SMARCC1: variants seen among roughly 807,000 people sequenced by gnomAD.
SMARCC1 encodes the protein SWI/SNF related BAF chromatin remodeling complex subunit C1, also known as SWI/SNF complex subunit SMARCC1.
A neutral mutation model predicts 147.4 loss-of-function variants in SMARCC1; 43 were observed. The observed-to-expected ratio is 0.29, with a 90% CI of 0.23 to 0.38. The LOEUF is 0.38. Ranked by LOEUF, SMARCC1 falls within the 10% of genes least tolerant of loss-of-function variation. The pLI is 1.00. For synonymous variants in SMARCC1, 495 were observed against 484.4 expected, an observed-to-expected ratio of 1.02 and a Z score of -0.29; for missense variants, 1,119 against 1,381.1, an observed-to-expected ratio of 0.81 and a Z score of 3.01.
At chr3:47,632,750 T>A (rs533945207) in intron 24 of SMARCC1, among the ~76,000 whole-genome samples, 99 of 152,252 alleles carry the variant, frequency 6.5e-4, no homozygotes, top group Non-Finnish European at 1.2e-3. Flanking sequence ...TCAATTCTGT[T>A]TGGCAGAACT....
rs571494850 is a variant in SMARCC1, at chr3:47,714,842, C to T, written c.717-352G>A. On this transcript the variant is annotated intron_variant, in intron 7 of 27. Transcript: ENST00000254480. Reference sequence around the variant, plus strand: ...AAACTAAAAGAAATACTACTAAAATCTATTAATAGAAACTTATCAGACACT... The same window carrying T: ...AAACTAAAAGAAATACTACTAAAATTTATTAATAGAAACTTATCAGACACT... Among the ~76,000 whole-genome samples the T allele has an allele frequency of 2.0e-5, 3 of 152,200 alleles. No individual in the cohort carries two copies. The South Asian group carries it at 6.2e-4, about 32-fold the overall frequency.
intron 2 of SMARCC1, among the ~76,000 whole-genome samples, chr3:47,764,284 C>CT (rs2034809535): frequency 6.6e-6 from 1 of 152,150 alleles, no homozygotes; most frequent in African/African-American, 2.4e-5. Context: ...GACCCTCCTA[C>CT]TTCAGTCTCC....
rs555212777 is a variant in SMARCC1 at position 47,609,808 on chromosome 3, C to G, written c.3043+258G>C. On this transcript the variant is annotated intron_variant, in intron 26 of 27. Transcript: ENST00000254480. ...CGGTATCAATAATCCAAGATAAATT[C>G]TGAATGAACTCTGAGATATTACTGT... Among the ~76,000 whole-genome samples the G allele has an allele frequency of 2.6e-5, 4 of 152,242 alleles. No individual in the cohort carries two copies. In the South Asian group the frequency reaches 8.3e-4, roughly 32 times the overall value.
At chr3:47,771,437 A>G (rs1331109699) in intron 2 of SMARCC1, among the ~76,000 whole-genome samples, 1 of 152,192 alleles carries the variant, frequency 6.6e-6, no homozygotes, top group African/African-American at 2.4e-5. Context: ...GAGTTCGAAA[A>G]TATAAATAAA....
chr3:47,643,198 A>C (rs975905263), intron 21 of SMARCC1, among the ~76,000 whole-genome samples: 1 of 152,232 alleles, frequency 6.6e-6, no homozygotes, highest in African/African-American at 2.4e-5. Context: ...ATTCATCTGA[A>C]GAAAAAGTGA....
chr3:47,688,329 A>G (rs1170256290), intron 13 of SMARCC1, among the ~76,000 whole-genome samples: 2 of 151,722 alleles, frequency 1.3e-5, no homozygotes, highest in African/African-American at 4.8e-5. Context: ...TTTAATCATA[A>G]GAACAATACA....
At chr3:47,734,990 C>T (rs1022033419) in intron 5 of SMARCC1, among the ~76,000 whole-genome samples, 46 of 152,174 alleles carry the variant, frequency 3.0e-4, no homozygotes, top group Non-Finnish European at 5.0e-4. Context: ...CTCTTGACCT[C>T]GTGATCCGCC....
At chr3:47,680,324 A>C in intron 15 of SMARCC1, 113 bp downstream of exon 15, 1 of 751,488 alleles carries the variant, frequency 1.3e-6, no homozygotes, top group Non-Finnish European at 2.4e-6. Context: ...CACTGTTCTG[A>C]AAGGAGTATT....
intron 12 of SMARCC1, among the ~76,000 whole-genome samples, chr3:47,691,854 G>A (rs2033793652): frequency 6.6e-6 from 1 of 151,944 alleles, no homozygotes; most frequent in African/African-American, 2.4e-5. Flanking sequence ...ACAAAAATTA[G>A]CTGGGCGTGG....
At chr3:47,726,743 G>C (rs536519121) in intron 6 of SMARCC1, among the ~76,000 whole-genome samples, 77 of 152,220 alleles carry the variant, frequency 5.1e-4, no homozygotes, top group African/African-American at 1.6e-3. Context: ...CACAAATTCT[G>C]TATGATTTCA....
intron 2 of SMARCC1, among the ~76,000 whole-genome samples, chr3:47,747,914 T>G (rs1308896266): frequency 1.3e-5 from 2 of 152,100 alleles, no homozygotes; most frequent in African/African-American, 4.8e-5. Flanking sequence ...TCCCAGCACT[T>G]TGGAAGGCCA....
chr3:47,633,666 C>T (rs2032921861), intron 24 of SMARCC1, among the ~76,000 whole-genome samples: 1 of 145,998 alleles, frequency 6.8e-6, no homozygotes, highest in Admixed American at 7.2e-5. Flanking sequence ...ATCGCTGGAA[C>T]CCAGGAGGCG....
intron 12 of SMARCC1, among the ~76,000 whole-genome samples, chr3:47,692,223 TA>T (rs2106776412): frequency 6.6e-6 from 1 of 152,304 alleles, no homozygotes; most frequent in South Asian, 2.1e-4. Flanking sequence ...CAAAGATGTT[TA>T]AAACTACCCC....
chr3:47,712,980 T>C (rs2034106821), intron 8 of SMARCC1, among the ~76,000 whole-genome samples: 3 of 152,116 alleles, frequency 2.0e-5, no homozygotes, highest in African/African-American at 7.2e-5. Context: ...TCCTTTACTA[T>C]TAGATGATAG....
At position 47,772,871 on chromosome 3, in the gene SMARCC1, G is replaced by A. The variant is rs749184048; in HGVS notation, c.261C>T (p.Phe87=). Residue 87 remains phenylalanine (F), a synonymous_variant, in exon 2 of 28, where the codon TTC becomes TTT. Coordinates refer to ENST00000254480, the MANE Select transcript of SMARCC1 (RefSeq NM_003074.4). ...CATGCTTCCCAAAGGCATCTTCCTGGAACTGAAGAAGCTGCACCACCAGCC... is the reference window on the plus strand; with the variant it reads ...CATGCTTCCCAAAGGCATCTTCCTGAAACTGAAGAAGCTGCACCACCAGCC... ...LAGLVVQLLQ[F]QEDAFGKHVT... is the part of the protein sequence containing the mutation. The A allele has an allele frequency of 6.2e-7, 1 of 1,613,286 alleles. No homozygotes were observed. Among genetic ancestry groups the A allele is most frequent in the South Asian group, 1.1e-5 (1 of 91,044 alleles).
In SMARCC1 at chr3:47,710,778, T is replaced by C. The variant is rs199760756; in HGVS notation, c.823A>G (p.Ile275Val). 1.2e-6 allele frequency: 2 copies of C among 1,612,490 alleles called. No homozygotes were observed. Among genetic ancestry groups the C allele is most frequent in the Admixed American group, 3.3e-5 (2 of 59,808 alleles). The change falls in exon 9 of 28, where the codon ATT becomes GTT. Residue 275 changes from isoleucine to valine, a missense_variant. This residue lies in a region of SMARCC1 where 542 missense variants were observed against 611.8 expected (regional missense o/e 0.89). Transcript: ENST00000254480. ...VHVKWILDTDIFNEWMNEEDY... is the reference protein window; with the variant it reads ...VHVKWILDTDVFNEWMNEEDY... ...TCCTCATTCATCCATTCATTGAAAA[T>C]ATCAGTGTCCAAAATCCATTTCACA...
intron 26 of SMARCC1, among the ~76,000 whole-genome samples, chr3:47,602,993 A>G (rs1371088818): frequency 6.6e-6 from 1 of 152,138 alleles, no homozygotes; most frequent in East Asian, 1.9e-4. Context: ...CTACTAAAAT[A>G]CATCCATGCC....
intron 3 of SMARCC1, among the ~76,000 whole-genome samples, chr3:47,740,084 G>A (rs1046617263): frequency 4.0e-5 from 6 of 150,120 alleles, no homozygotes; most frequent in African/African-American, 9.8e-5. Flanking sequence ...TGGCCAGGCT[G>A]GACTCGAACT....
chr3:47,606,757 G>A (rs1053754223), intron 26 of SMARCC1, among the ~76,000 whole-genome samples: 9 of 151,758 alleles, frequency 5.9e-5, no homozygotes, highest in Admixed American at 3.9e-4. Flanking sequence ...GGAGTGTAAC[G>A]GTGCAGTGTC....
Sources: allele counts gnomAD v4.1 joint callset (sites outside exome capture counted in the v4.1 genomes callset), GRCh38; gene constraint gnomAD v4.1.1; regional missense constraint gnomAD v4.1.1; transcripts MANE v1.5; gene names NCBI Gene and HGNC (gene_info 2026-07-23, HGNC 2026-07-21).